Variants in DIP2B observed in about 807,000 individuals in gnomAD.
The protein encoded by DIP2B is disco-interacting protein 2 homolog B.
A neutral mutation model predicts 198.0 loss-of-function variants in DIP2B; 76 were observed. The ratio of observed to expected loss-of-function variants is 0.38; its 90% CI spans 0.32 to 0.46. The LOEUF is 0.46. Ranked by LOEUF, DIP2B falls within the 20% of genes least tolerant of loss-of-function variation. The probability of loss-of-function intolerance (pLI) is 0.99; values close to 1 mark genes in which losing one functional copy is unlikely to be tolerated. For missense variants in DIP2B, 1,559 were observed against 1,978.4 expected (o/e 0.79, Z 4.02); for synonymous variants, 701 against 739.1 (o/e 0.95, Z 0.84).
In DIP2B at chr12:50,695,922, T is replaced by C; in HGVS notation, c.1888T>C (p.Leu630=). The C allele has an allele frequency of 6.2e-7, 1 of 1,614,152 alleles. No homozygotes were observed. Among genetic ancestry groups the C allele is most frequent in the Non-Finnish European group, 8.5e-7 (1 of 1,179,974 alleles). The stretch of plus-strand genomic sequence containing the variant: ...ACATCGGGACCAAAGAGACGTGAGC[T>C]TGAGTTCCCTCCGAATGTTAATTGT... ...MAHRDQRDVS[L]SSLRMLIVTD... is the part of the protein sequence containing the mutation. The change falls in exon 16 of 38, where the codon TTG becomes CTG. Residue 630 remains leucine, a synonymous_variant. Coordinates refer to ENST00000301180, the MANE Select transcript of DIP2B (RefSeq NM_173602.3).
At chr12:50,566,007 C>A (rs899388831) in intron 1 of DIP2B, among the ~76,000 whole-genome samples, 11 of 152,050 alleles carry the variant, frequency 7.2e-5, no homozygotes, top group Middle Eastern at 3.4e-3. Context: ...ACAGAAAAAT[C>A]TTCACTGAAT....
chr12:50,656,791 C>T (rs1249120601), intron 3 of DIP2B, among the ~76,000 whole-genome samples: 1 of 152,082 alleles, frequency 6.6e-6, no homozygotes, highest in Non-Finnish European at 1.5e-5. Context: ...AGGCTGGTTT[C>T]GAACTCCTGA....
At chr12:50,625,013 T>A (rs1937904965) in intron 1 of DIP2B, among the ~76,000 whole-genome samples, 3 of 152,366 alleles carry the variant, frequency 2.0e-5, no homozygotes, top group Non-Finnish European at 4.4e-5. Context: ...AAATTTTGAA[T>A]GTTTAAAGTA....
chr12:50,734,034 T>C, intron 32 of DIP2B, 101 bp from the exon 33 acceptor site: 1 of 1,225,568 alleles, frequency 8.2e-7, no homozygotes. Flanking sequence ...GTGAAAAGAG[T>C]GTGGATTTTT....
intron 1 of DIP2B, among the ~76,000 whole-genome samples, chr12:50,559,774 T>TA (rs1958502926): frequency 6.7e-6 from 1 of 148,220 alleles, no homozygotes; most frequent in South Asian, 2.1e-4. Flanking sequence ...CTTTAACACT[T>TA]ACAAGGTATC....
intron 1 of DIP2B, among the ~76,000 whole-genome samples, chr12:50,609,996 AT>A (rs1268207598): frequency 6.6e-6 from 1 of 152,256 alleles, no homozygotes; most frequent in Non-Finnish European, 1.5e-5. Flanking sequence ...ATGCCAAAGT[AT>A]TTTTAATGCA....
At chr12:50,653,341 C>CT (rs1323702401) in intron 3 of DIP2B, among the ~76,000 whole-genome samples, 21 of 70,122 alleles carry the variant, frequency 3.0e-4, no homozygotes, top group Non-Finnish European at 5.2e-4. Context: ...TTTTTTTTTT[C>CT]TTTTCTTTTT....
intron 1 of DIP2B, among the ~76,000 whole-genome samples, chr12:50,569,807 T>A (rs999414772): frequency 2.6e-5 from 4 of 152,198 alleles, no homozygotes; most frequent in African/African-American, 9.7e-5. Flanking sequence ...GCTTTTGCAA[T>A]TATTTTTATA....
Position 50,640,979 on chromosome 12 carries a change from C to A in DIP2B, c.301+127C>A, listed in dbSNP as rs1275159954. 1.9e-5 allele frequency: 22 copies of A among 1,151,104 alleles called. No individual in the cohort carries two copies. The East Asian group carries it at 5.9e-4, about 31-fold the overall frequency. The allele number at this position is 1,151,104 out of a possible 1,614,324, so 71.3% of individuals were successfully genotyped here. A position where few individuals can be genotyped will look rare whatever the true frequency, so the allele number is the denominator to read the frequency against. On this transcript the variant is annotated intron_variant, in intron 3 of 37. Transcript: ENST00000301180. ...AGGCACCAACAGTTTTATATTAACT[C>A]ATTCACCAATCATTTATTTTGTACC...
intron 25 of DIP2B, among the ~76,000 whole-genome samples, chr12:50,720,779 C>T (rs1269348647): frequency 1.3e-5 from 2 of 152,112 alleles, no homozygotes; most frequent in Non-Finnish European, 2.9e-5. Context: ...ACAGCAAGAC[C>T]ATGTCAGAAC....
chr12:50,611,641 C>G (rs1426629073), intron 1 of DIP2B, among the ~76,000 whole-genome samples: 6 of 152,098 alleles, frequency 3.9e-5, no homozygotes, highest in Non-Finnish European at 8.8e-5. Flanking sequence ...ACCACTGCCT[C>G]CAGTGGTTTT....
At chr12:50,553,172 A>C (rs10747583) in intron 1 of DIP2B, among the ~76,000 whole-genome samples, 1 of 152,024 alleles carries the variant, frequency 6.6e-6, no homozygotes, top group African/African-American at 2.4e-5. Context: ...ATAAAGGTAC[A>C]TCTTCATTCT....
In DIP2B at chr12:50,671,387, A is replaced by G. The variant is rs750626900; in HGVS notation, c.629A>G (p.Asn210Ser). The change falls in exon 5 of 38, where the codon AAT (asparagine) becomes AGT (serine). Residue 210 changes from asparagine (N) to serine (S), a missense_variant. Coordinates refer to ENST00000301180, the MANE Select transcript of DIP2B (RefSeq NM_173602.3). ...TSGSLADVFA[N>S]TRIENFSAPP... Reference sequence around the variant, plus strand: ...GGGTCTCTAGCTGATGTATTTGCCAATACTCGAATAGGTAGGAGCTGGATC... The same window carrying G: ...GGGTCTCTAGCTGATGTATTTGCCAGTACTCGAATAGGTAGGAGCTGGATC... 1.4e-5 allele frequency: 23 copies of G among 1,614,022 alleles called. No individual in the cohort carries two copies. The highest frequency in any genetic ancestry group is 4.0e-5 in the African/African-American group (3 of 74,906).
At chr12:50,628,841 A>T (rs1399769411) in intron 2 of DIP2B, among the ~76,000 whole-genome samples, 1 of 151,052 alleles carries the variant, frequency 6.6e-6, no homozygotes, top group Admixed American at 6.6e-5. Flanking sequence ...GTCTCTCAAA[A>T]CTCTTATTTT....
At chr12:50,605,656 AT>A (rs1215196757) in intron 1 of DIP2B, among the ~76,000 whole-genome samples, 3 of 152,082 alleles carry the variant, frequency 2.0e-5, no homozygotes, top group Non-Finnish European at 2.9e-5. Flanking sequence ...TTGTCTATGC[AT>A]TTGCCTATTT....
intron 8 of DIP2B, chr12:50,680,407 T>A (rs560774196): frequency 1.3e-5 from 4 of 307,062 alleles, no homozygotes; most frequent in South Asian, 2.0e-4. Context: ...CAGAAAAGAA[T>A]TTGAAATATT....
intron 3 of DIP2B, among the ~76,000 whole-genome samples, chr12:50,648,741 A>C (rs1938398584): frequency 6.6e-6 from 1 of 151,558 alleles, no homozygotes; most frequent in Non-Finnish European, 1.5e-5. Flanking sequence ...TTAATCCTAA[A>C]GATACTAACA....
At chr12:50,511,724 C>T (rs1958018752) in intron 1 of DIP2B, among the ~76,000 whole-genome samples, 4 of 151,752 alleles carry the variant, frequency 2.6e-5, no homozygotes, top group South Asian at 4.2e-4. Flanking sequence ...CCGAGGAGGG[C>T]GGATCACAAG....
chr12:50,701,758 C>T (rs539481793), intron 19 of DIP2B, among the ~76,000 whole-genome samples: 1 of 151,990 alleles, frequency 6.6e-6, no homozygotes, highest in Non-Finnish European at 1.5e-5. Flanking sequence ...ACTTTTGTGA[C>T]ATGTATGACA....
Sources: allele counts gnomAD v4.1 joint callset (sites outside exome capture counted in the v4.1 genomes callset), GRCh38; gene constraint gnomAD v4.1.1; transcripts MANE v1.5; gene names NCBI Gene and HGNC (gene_info 2026-07-23, HGNC 2026-07-21).